Variants in SLC6A20 observed in about 807,000 individuals in gnomAD.
The protein encoded by SLC6A20 is solute carrier family 6 member 20.
In SLC6A20, 73 loss-of-function variants were observed where a neutral mutation model predicts 64.3. The observed-to-expected ratio is 1.14, with a 90% CI of 0.94 to 1.38. The LOEUF (loss-of-function observed/expected upper bound fraction) is 1.38, where lower values mean the gene tolerates loss of function less well. SLC6A20 is among the 40% of genes most tolerant of loss of function. The pLI, the probability that SLC6A20 is intolerant of heterozygous loss-of-function variation, is 0.00. For synonymous variants in SLC6A20, 347 were observed against 329.6 expected (o/e 1.05, Z -0.57); for missense variants, 725 against 772.8 (o/e 0.94, Z 0.73).
chr3:45,782,647 CCA>C (rs1700115198), intron 1 of SLC6A20, among the ~76,000 whole-genome samples: 2 of 151,516 alleles, frequency 1.3e-5, no homozygotes, highest in Non-Finnish European at 2.9e-5. Flanking sequence ...ATCCATCCAT[CCA>C]TCCATCCATC....
At chr3:45,778,997 T>C (rs77940463) in intron 3 of SLC6A20, among the ~76,000 whole-genome samples, 2,372 of 152,242 alleles carry the variant, frequency 0.016, 58 homozygotes, top group African/African-American at 0.047. Context: ...TTAAAGTCAT[T>C]CACCCAAGCA....
chr3:45,765,339 G>A lies in SLC6A20; in HGVS notation c.1303+198C>T, dbSNP rs1699756201. Among the ~76,000 whole-genome samples, 2 of 152,178 alleles carry A rather than the reference G, an allele frequency of 1.3e-5. No homozygotes were observed. The highest frequency in any genetic ancestry group is 2.9e-5 in the Non-Finnish European group (2 of 68,022). On this transcript the variant is annotated intron_variant, in intron 8 of 10. Transcript: ENST00000358525. This position sits in a 1 kb window ranked among gnomAD's most constrained non-coding sequence, Gnocchi z 4.2. ...TGGCCACTTCACTTCCCTGTGATGT[G>A]GAGAATGGAACGCACAGGGTGAATC...
Position 45,765,508 on chromosome 3 carries a change from T to G in SLC6A20, c.1303+29A>C. On this transcript the variant is annotated intron_variant, in intron 8 of 10. Coordinates refer to ENST00000358525, the MANE Select transcript of SLC6A20 (RefSeq NM_020208.4). This position sits in a 1 kb window ranked among gnomAD's most constrained non-coding sequence, Gnocchi z 4.2. ...CCCACGCCTTGGCCCTCCTGACCCCTGCCTCCTCCACTGGCTGGCCCCGCT... is the reference window on the plus strand; with the variant it reads ...CCCACGCCTTGGCCCTCCTGACCCCGGCCTCCTCCACTGGCTGGCCCCGCT... 1 of 1,596,798 alleles carries G rather than the reference T, an allele frequency of 6.3e-7. No homozygotes were observed. Among genetic ancestry groups the G allele is most frequent in the Non-Finnish European group, 8.5e-7 (1 of 1,172,072 alleles).
Position 45,775,938 on chromosome 3 carries a change from G to T in SLC6A20, c.405C>A (p.Tyr135Ter), listed in dbSNP as rs779812897. 1.9e-6 allele frequency: 3 copies of T among 1,614,064 alleles called. No homozygotes were observed. The highest frequency in any genetic ancestry group is 1.1e-5 in the South Asian group (1 of 91,090). ...AGGACGCCTTCTCACACTCCTCATCGTAGCCCGTGTGGTTACCATTCAGTG... is the reference window on the plus strand; with the variant it reads ...AGGACGCCTTCTCACACTCCTCATCTTAGCCCGTGTGGTTACCATTCAGTG... ...VCPLNGNHTG[Y>*]DEECEKASST... Residue 135 changes from tyrosine to a stop codon, truncating the protein, a stop_gained, in exon 4 of 11, where the codon TAC becomes TAA. Transcript: ENST00000358525. LOFTEE classifies it high-confidence loss of function.
intron 2 of SLC6A20, among the ~76,000 whole-genome samples, chr3:45,781,126 C>G (rs1266011775): frequency 6.6e-6 from 1 of 151,444 alleles, no homozygotes; most frequent in Non-Finnish European, 1.5e-5. Context: ...GAGGCTGAGG[C>G]AGGAGAAACG....
chr3:45,785,395 C>T (rs1700153425), intron 1 of SLC6A20, among the ~76,000 whole-genome samples: 1 of 152,156 alleles, frequency 6.6e-6, no homozygotes. Flanking sequence ...GATCAGCTGA[C>T]AGTGAATATA....
At position 45,780,032 on chromosome 3, in the gene SLC6A20, A is replaced by G; in HGVS notation, c.331T>C (p.Trp111Arg). ...ACCTGGAAGGAGTGGAAGAGGTACC[A>G]GAAGGCCCAGGCGTTGATGACGTTG... ...YYNVINAWAFWYLFHSFQDPL... is the reference protein window; with the variant it reads ...YYNVINAWAFRYLFHSFQDPL... The change falls in exon 3 of 11, where the codon TGG becomes CGG. Residue 111 changes from tryptophan (W) to arginine (R), a missense_variant. Physicochemically the swap from Trp to Arg is moderately radical, Grantham distance 101. Coordinates refer to ENST00000358525, the MANE Select transcript of SLC6A20 (RefSeq NM_020208.4). 6.2e-7 allele frequency: 1 copy of G among 1,604,790 alleles called. No homozygotes were observed. Among genetic ancestry groups the G allele is most frequent in the East Asian group, 2.2e-5 (1 of 44,580 alleles).
At position 45,756,341 on chromosome 3, in the gene SLC6A20, G is replaced by GTGTT. The variant is rs1372642102; in HGVS notation, c.*2633_*2636dup. The GTGTT allele has an allele frequency of 6.6e-6, 1 of 152,226 alleles. No individual in the cohort carries two copies. Among genetic ancestry groups the GTGTT allele is most frequent in the African/African-American group, 2.4e-5 (1 of 41,446 alleles). The allele number at this position is 152,226 out of a possible 1,614,324, so 9.4% of individuals were successfully genotyped here. A position where few individuals can be genotyped will look rare whatever the true frequency, so the allele number is the denominator to read the frequency against. ...CAGGATTCAGAGCAGACTCGGTGCT[G>GTGTT]TGTTTGCCATTGAGTGTGCCGGCTC... On this transcript the variant is annotated 3_prime_UTR_variant, in exon 11 of 11. Coordinates refer to ENST00000358525, the MANE Select transcript of SLC6A20 (RefSeq NM_020208.4).
intron 4 of SLC6A20, among the ~76,000 whole-genome samples, chr3:45,773,563 C>T (rs147235341): frequency 6.6e-6 from 1 of 152,256 alleles, no homozygotes; most frequent in East Asian, 1.9e-4. Context: ...CATATGTGTA[C>T]CAGAGCCTCA....
chr3:45,773,336 T>C (rs979216389), intron 4 of SLC6A20, among the ~76,000 whole-genome samples: 2 of 152,242 alleles, frequency 1.3e-5, no homozygotes, highest in Non-Finnish European at 2.9e-5. Flanking sequence ...GCTTTAACAT[T>C]ACACCTGAAT....
rs375374694 is a variant in SLC6A20, at chr3:45,779,992, C to T, written c.354+17G>A. On this transcript the variant is annotated intron_variant, in intron 3 of 10. Transcript: ENST00000358525. Reference sequence around the variant, plus strand: ...TCTCGCTCCTACTCCTGTTCTGGCACGGGCCCCCCGGCTCACCTGGAAGGA... The same window carrying T: ...TCTCGCTCCTACTCCTGTTCTGGCATGGGCCCCCCGGCTCACCTGGAAGGA... The T allele has an allele frequency of 5.3e-5, 84 of 1,586,318 alleles. No homozygotes were observed. The highest frequency in any genetic ancestry group is 1.7e-4 in the South Asian group (15 of 86,846).
rs1333511550 is a variant in SLC6A20, at chr3:45,758,361, G to T, written c.*617C>A. 2 of 1,201,426 alleles carry T rather than the reference G, an allele frequency of 1.7e-6. No individual in the cohort carries two copies. Among genetic ancestry groups the T allele is most frequent in the Non-Finnish European group, 2.2e-6 (2 of 917,926 alleles). 74.4% of individuals were successfully genotyped at this position (1,201,426 alleles called of 1,614,324 possible). On this transcript the variant is annotated 3_prime_UTR_variant, in exon 11 of 11. Coordinates refer to ENST00000358525, the MANE Select transcript of SLC6A20 (RefSeq NM_020208.4). ...AGTTGGGGCAATTTTTTGTAGAGAG[G>T]TCTGGTCCTGGACCCACCGTCAGAG...
chr3:45,764,924 T>C (rs945077652), intron 8 of SLC6A20, among the ~76,000 whole-genome samples: 13 of 151,524 alleles, frequency 8.6e-5, no homozygotes, highest in African/African-American at 3.2e-4. Flanking sequence ...ATAATGGTCA[T>C]ACTTCAGGCC....
chr3:45,768,185 G>A (rs1699804739), intron 7 of SLC6A20, among the ~76,000 whole-genome samples: 1 of 152,116 alleles, frequency 6.6e-6, no homozygotes, highest in Non-Finnish European at 1.5e-5. Context: ...AAGTCCTTTT[G>A]AATTTTGGGA....
At chr3:45,788,905 T>C (rs964982974) in intron 1 of SLC6A20, among the ~76,000 whole-genome samples, 5 of 152,216 alleles carry the variant, frequency 3.3e-5, no homozygotes, top group Admixed American at 2.6e-4. Context: ...AACTAACTAG[T>C]GGTAAATAAA....
chr3:45,777,832 G>A (rs560788123), intron 3 of SLC6A20, among the ~76,000 whole-genome samples: 116 of 152,242 alleles, frequency 7.6e-4, no homozygotes, highest in Non-Finnish European at 1.4e-3. Context: ...ATGCCAGACC[G>A]GGCCTGCTTC....
At chr3:45,764,463 G>T (rs1248968647) in intron 8 of SLC6A20, among the ~76,000 whole-genome samples, 1 of 152,216 alleles carries the variant, frequency 6.6e-6, no homozygotes, top group Admixed American at 6.5e-5. Flanking sequence ...AGTATTTTGG[G>T]AGGCCAAGGC....
At chr3:45,762,827 C>A in intron 9 of SLC6A20, 86 bp downstream of exon 9, 1 of 1,527,292 alleles carries the variant, frequency 6.5e-7, no homozygotes, top group Non-Finnish European at 9.0e-7. Flanking sequence ...TGAAGATGTG[C>A]ATCAAGAAAC....
chr3:45,766,878 C>G (rs1345618097), intron 7 of SLC6A20, among the ~76,000 whole-genome samples: 1 of 152,208 alleles, frequency 6.6e-6, no homozygotes, highest in Non-Finnish European at 1.5e-5. Flanking sequence ...CGGCTCATGC[C>G]TGTAATCCCA....
Sources: allele counts gnomAD v4.1 joint callset (sites outside exome capture counted in the v4.1 genomes callset), GRCh38; gene constraint gnomAD v4.1.1; non-coding constraint Gnocchi (gnomAD v3.1); transcripts MANE v1.5; gene names NCBI Gene and HGNC (gene_info 2026-07-23, HGNC 2026-07-21).